PCDHGB1: variants seen among roughly 807,000 people sequenced by gnomAD.
PCDHGB1 encodes protocadherin gamma subfamily B, 1.
In PCDHGB1, 34 loss-of-function variants were observed where a neutral mutation model predicts 56.6. The observed-to-expected ratio is 0.60, with a 90% CI of 0.46 to 0.80. PCDHGB1 has a LOEUF of 0.80. Among genes scored for constraint, PCDHGB1 ranks in the 30% least tolerant of loss-of-function variants. PCDHGB1 has a pLI of 0.00. For synonymous variants in PCDHGB1, 561 were observed against 505.9 expected, an observed-to-expected ratio of 1.11 and a Z score of -1.46; for missense variants, 1,278 against 1,204.6, an observed-to-expected ratio of 1.06 and a Z score of -0.90.
intron 1 of PCDHGB1, among the ~76,000 whole-genome samples, chr5:141,455,783 T>G (rs1475277198): frequency 1.3e-5 from 2 of 152,066 alleles, no homozygotes; most frequent in Non-Finnish European, 2.9e-5. Context: ...AAAAGAAACT[T>G]TTCCGGAGAT....
Position 141,395,019 on chromosome 5 carries a change from C to G in PCDHGB1, c.2409+42350C>G, listed in dbSNP as rs374672662. On this transcript the variant is annotated intron_variant, in intron 1 of 3. Transcript: ENST00000523390. ...TTCCGGTGGCAGATTGGTAGGCGTG[C>G]CTGCCTCACATTTTGTGGGTGTTGA... The G allele has an allele frequency of 3.7e-6, 6 of 1,613,986 alleles. No homozygotes were observed. Among genetic ancestry groups the G allele is most frequent in the Non-Finnish European group, 5.1e-6 (6 of 1,180,016 alleles).
chr5:141,436,048 T>G (rs553708148), intron 1 of PCDHGB1, among the ~76,000 whole-genome samples: 1 of 152,316 alleles, frequency 6.6e-6, no homozygotes, highest in South Asian at 2.1e-4. Context: ...TACATTAGTT[T>G]TCAAATAGAA....
intron 1 of PCDHGB1, chr5:141,417,924 T>C (rs1197566429): frequency 1.9e-6 from 3 of 1,609,340 alleles, no homozygotes; most frequent in Admixed American, 1.7e-5. Flanking sequence ...CCTTTGCTGC[T>C]GCCTTTGTTC....
chr5:141,489,088 G>GCCAA lies in PCDHGB1; in HGVS notation c.2410-5719_2410-5718insCCAA. The GCCAA allele has an allele frequency of 2.9e-6, 1 of 347,240 alleles. No individual in the cohort carries two copies. Among genetic ancestry groups the GCCAA allele is most frequent in the Non-Finnish European group, 5.0e-6 (1 of 200,708 alleles). The allele number at this position is 347,240 out of a possible 1,614,324, so 21.5% of individuals were successfully genotyped here. A position where few individuals can be genotyped will look rare whatever the true frequency, so the allele number is the denominator to read the frequency against. ...CCCCTGCCCACCCCCGCCACTCGGT[G>GCCAA]ACTAAGAACTGCTGCAAGCAGGCAA... On this transcript the variant is annotated intron_variant, in intron 1 of 3. Transcript: ENST00000523390. This position sits in a 1 kb window ranked among gnomAD's most constrained non-coding sequence, Gnocchi z 4.5.
At chr5:141,464,035 C>T (rs564886798) in intron 1 of PCDHGB1, among the ~76,000 whole-genome samples, 1 of 152,066 alleles carries the variant, frequency 6.6e-6, no homozygotes, top group African/African-American at 2.4e-5. Context: ...GAGGCCAAGG[C>T]GGGTGGATCA....
Position 141,489,268 on chromosome 5 carries a change from G to T in PCDHGB1, c.2410-5539G>T. On this transcript the variant is annotated intron_variant, in intron 1 of 3. Transcript: ENST00000523390. This position sits in a 1 kb window ranked among gnomAD's most constrained non-coding sequence, Gnocchi z 4.5. The stretch of plus-strand genomic sequence containing the variant: ...GGGGCCCAAGACACTCCCACAGCTC[G>T]CTGGGAAATGGCAAGTGCTGTGCAT... The T allele has an allele frequency of 3.9e-6, 6 of 1,553,284 alleles. No homozygotes were observed. The South Asian group carries it at 5.0e-5, about 13-fold the overall frequency.
intron 1 of PCDHGB1, chr5:141,417,931 G>T (rs551432799): frequency 6.8e-6 from 11 of 1,611,382 alleles, no homozygotes; most frequent in Middle Eastern, 1.6e-4. Flanking sequence ...TGCTGCCTTT[G>T]TTCTACCCCA....
chr5:141,400,734 G>A, intron 1 of PCDHGB1: 1 of 634,548 alleles, frequency 1.6e-6, no homozygotes, highest in Non-Finnish European at 2.7e-6. Flanking sequence ...AAAGTAGTGA[G>A]AGTTTGCTCT....
intron 1 of PCDHGB1, chr5:141,409,321 T>G (rs899218484): frequency 1.9e-6 from 3 of 1,613,996 alleles, no homozygotes; most frequent in Admixed American, 1.7e-5. Context: ...AAACACGGGA[T>G]CTGGATTTCG....
At chr5:141,428,245 C>A in intron 1 of PCDHGB1, 1 of 948,140 alleles carries the variant, frequency 1.1e-6, no homozygotes, top group South Asian at 1.4e-5. Flanking sequence ...GGAGGCACTG[C>A]CAGACTTCAG....
chr5:141,504,200 G>C (rs1232187138), intron 2 of PCDHGB1, among the ~76,000 whole-genome samples: 1 of 152,154 alleles, frequency 6.6e-6, no homozygotes, highest in Non-Finnish European at 1.5e-5. Context: ...TTGTCACTGT[G>C]GGAAAATTCC....
intron 1 of PCDHGB1, chr5:141,404,335 C>G (rs2094514976): frequency 1.2e-6 from 2 of 1,613,936 alleles, no homozygotes; most frequent in Non-Finnish European, 1.7e-6. Context: ...CAGTCTACCT[C>G]CCGGAAAACA....
At chr5:141,391,839 T>G (rs995589062) in intron 1 of PCDHGB1, 1 of 152,244 alleles carries the variant, frequency 6.6e-6, no homozygotes, top group Non-Finnish European at 1.5e-5. Context: ...AGAATATATG[T>G]AAAAGTCAAG....
At position 141,415,070 on chromosome 5, in the gene PCDHGB1, C is replaced by G. The variant is rs538474552; in HGVS notation, c.2409+62401C>G. ...GGGGAGCACACGGGCGAGGTGCGCACGGCGCGAGCCCTGCTGGACAGAGAC... is the reference window on the plus strand; with the variant it reads ...GGGGAGCACACGGGCGAGGTGCGCAGGGCGCGAGCCCTGCTGGACAGAGAC... On this transcript the variant is annotated intron_variant, in intron 1 of 3. Coordinates refer to ENST00000523390, the MANE Select transcript of PCDHGB1 (RefSeq NM_018922.3). 26 of 1,613,284 alleles carry G rather than the reference C, an allele frequency of 1.6e-5. No homozygotes were observed. The Middle Eastern group carries it at 1.5e-3, about 92-fold the overall frequency.
At position 141,351,032 on chromosome 5, in the gene PCDHGB1, G is replaced by A. The variant is rs531286057; in HGVS notation, c.772G>A (p.Val258Met). The A allele has an allele frequency of 2.5e-6, 4 of 1,613,988 alleles. No homozygotes were observed. Among genetic ancestry groups the A allele is most frequent in the African/African-American group, 1.3e-5 (1 of 75,060 alleles). ...AGAAAACGTACCGTGGGGAACCTCC[G>A]TGCTGCGGGTGATGGCCACAGACCA... ...LQENVPWGTSVLRVMATDQDE... is the reference protein window; with the variant it reads ...LQENVPWGTSMLRVMATDQDE... The change falls in exon 1 of 4, where the codon GTG becomes ATG. Residue 258 changes from valine to methionine, a missense_variant. By Grantham distance (21) the Val-to-Met change is conservative. Transcript: ENST00000523390.
At chr5:141,456,404 G>A (rs935040352) in intron 1 of PCDHGB1, among the ~76,000 whole-genome samples, 4 of 152,104 alleles carry the variant, frequency 2.6e-5, no homozygotes, top group Non-Finnish European at 4.4e-5. Flanking sequence ...TTGCTTCTAG[G>A]CGAGAAGAAA....
rs1238234703 is a variant in PCDHGB1, at chr5:141,350,444, C to T, written c.184C>T (p.Arg62Ter). ...LGLSVRELPT[R>*]KLRVSAEDYF... Reference sequence around the variant, plus strand: ...GCTCAGTGTCCGGGAGTTGCCAACTCGAAAACTGCGGGTTAGTGCAGAGGA... The same window carrying T: ...GCTCAGTGTCCGGGAGTTGCCAACTTGAAAACTGCGGGTTAGTGCAGAGGA... The change falls in exon 1 of 4, where the codon CGA becomes TGA. Residue 62 changes from arginine (R) to a stop codon, truncating the protein, a stop_gained. Transcript: ENST00000523390. LOFTEE classifies it high-confidence loss of function. 1 of 1,610,540 alleles carries T rather than the reference C, an allele frequency of 6.2e-7. No homozygotes were observed. The highest frequency in any genetic ancestry group is 1.3e-5 in the African/African-American group (1 of 74,810).
At chr5:141,383,981 C>T in intron 1 of PCDHGB1, 3 of 1,613,792 alleles carry the variant, frequency 1.9e-6, no homozygotes, top group Non-Finnish European at 2.5e-6. Context: ...GAAGACACAC[C>T]TCTTGGGACA....
Position 141,352,660 on chromosome 5 carries a change from G to T in PCDHGB1, c.2400G>T (p.Leu800Phe). 6.3e-7 allele frequency: 1 copy of T among 1,591,126 alleles called. No individual in the cohort carries two copies. Among genetic ancestry groups the T allele is most frequent in the Non-Finnish European group, 8.6e-7 (1 of 1,167,978 alleles). Residue 800 changes from leucine (L) to phenylalanine (F), a missense_variant, in exon 1 of 4, where the codon TTG (leucine) becomes TTT (phenylalanine). Physicochemically the swap from Leu to Phe is conservative, Grantham distance 22 (BLOSUM62 0). Coordinates refer to ENST00000523390, the MANE Select transcript of PCDHGB1 (RefSeq NM_018922.3). ...ACAAAATCGCTTATGACCCTTCTTT[G>T]TCTTCGCACGTGAGTTTCTGCAAAT... ...EDHKIAYDPSLSSHQAPPNTD... is the reference protein window; with the variant it reads ...EDHKIAYDPSFSSHQAPPNTD...
Sources: gnomAD v4.1 joint callset for allele counts (sites outside exome capture counted in the v4.1 genomes callset) on GRCh38, gnomAD v4.1.1 for gene constraint, Gnocchi (gnomAD v3.1) non-coding constraint, MANE v1.5 for transcripts, NCBI Gene and HGNC (gene_info 2026-07-23, HGNC 2026-07-21) for gene names.